Variants in GATAD2B observed in about 807,000 individuals in gnomAD.
GATAD2B encodes the protein transcriptional repressor p66-beta.
GATAD2B carries 8 observed loss-of-function variants against 64.3 expected under a neutral mutation model. The observed-to-expected ratio is 0.12, with a 90% CI of 0.07 to 0.22. The LOEUF is 0.22. Among genes scored for constraint, GATAD2B ranks in the 10% least tolerant of loss-of-function variants. GATAD2B has a pLI of 1.00. For missense variants in GATAD2B, 453 were observed against 752.0 expected, an observed-to-expected ratio of 0.60 and a Z score of 4.65; for synonymous variants, 281 against 271.3, an observed-to-expected ratio of 1.04 and a Z score of -0.35.
chr1:153,828,573 C>T (rs1674968211), intron 1 of GATAD2B, among the ~76,000 whole-genome samples: 1 of 151,972 alleles, frequency 6.6e-6, no homozygotes, highest in Non-Finnish European at 1.5e-5. Context: ...GGGCATTCAA[C>T]CCAGCAATTT....
chr1:153,897,442 T>C (rs1234361235), intron 1 of GATAD2B, among the ~76,000 whole-genome samples: 2 of 152,218 alleles, frequency 1.3e-5, no homozygotes, highest in African/African-American at 4.8e-5. Context: ...AATGATCTTA[T>C]GCAAGATTGG....
intron 1 of GATAD2B, among the ~76,000 whole-genome samples, chr1:153,907,880 T>C (rs1451420069): frequency 2.6e-5 from 4 of 151,612 alleles, no homozygotes; most frequent in African/African-American, 4.8e-5. Context: ...TCTCGGCTCA[T>C]TGCAACCTCC....
chr1:153,805,873 A>G lies in GATAD2B; in HGVS notation c.*4304T>C, dbSNP rs561970252. Reference sequence around the variant, plus strand: ...TTTTTACTCTACAAAGTCCTGGACCAGGAGGTCTTGGCTTTCACAGGAGCT... The same window carrying G: ...TTTTTACTCTACAAAGTCCTGGACCGGGAGGTCTTGGCTTTCACAGGAGCT... On this transcript the variant is annotated 3_prime_UTR_variant, in exon 11 of 11. Coordinates refer to ENST00000368655, the MANE Select transcript of GATAD2B (RefSeq NM_020699.4). 2 of 152,340 alleles carry G rather than the reference A, an allele frequency of 1.3e-5. No individual in the cohort carries two copies. Among genetic ancestry groups the G allele is most frequent in the African/African-American group, 4.8e-5 (2 of 41,562 alleles). 9.4% of individuals were successfully genotyped at this position (152,340 alleles called of 1,614,324 possible). A position where few individuals can be genotyped will look rare whatever the true frequency, so the allele number is the denominator to read the frequency against.
In GATAD2B at chr1:153,807,602, C is replaced by T. The variant is rs1280188063; in HGVS notation, c.*2575G>A. ...GGGGATAAAAACAGGGAAGATTCCA[C>T]CATCTCCCCTGTGACCTCAGCACCT... On this transcript the variant is annotated 3_prime_UTR_variant, in exon 11 of 11. Coordinates refer to ENST00000368655, the MANE Select transcript of GATAD2B (RefSeq NM_020699.4). 2 of 152,590 alleles carry T rather than the reference C, an allele frequency of 1.3e-5. No homozygotes were observed. Among genetic ancestry groups the T allele is most frequent in the Non-Finnish European group, 2.9e-5 (2 of 68,082 alleles). 9.5% of individuals were successfully genotyped at this position (152,590 alleles called of 1,614,324 possible). A position where few individuals can be genotyped will look rare whatever the true frequency, so the allele number is the denominator to read the frequency against.
At chr1:153,857,930 A>C (rs1676150052) in intron 1 of GATAD2B, among the ~76,000 whole-genome samples, 1 of 152,234 alleles carries the variant, frequency 6.6e-6, no homozygotes, top group African/African-American at 2.4e-5. Context: ...GAAATCATTC[A>C]GTTTTGAAGC....
At chr1:153,861,644 G>A (rs574493345) in intron 1 of GATAD2B, among the ~76,000 whole-genome samples, 21 of 149,430 alleles carry the variant, frequency 1.4e-4, no homozygotes, top group Admixed American at 1.0e-3. Flanking sequence ...TTAGCCGGGC[G>A]TGGTGGTGCA....
chr1:153,825,074 T>C (rs1674823535), intron 2 of GATAD2B, among the ~76,000 whole-genome samples: 1 of 151,768 alleles, frequency 6.6e-6, no homozygotes. Flanking sequence ...GGCAACAGAG[T>C]GAGACCTTGT....
intron 7 of GATAD2B, among the ~76,000 whole-genome samples, chr1:153,815,280 C>CAAAAAAAAAAAAAAAAAAA (rs1159204191): frequency 1.5e-5 from 1 of 66,624 alleles, no homozygotes; most frequent in Non-Finnish European, 2.7e-5. Flanking sequence ...CTCAAAAAAA[C>CAAAAAAAAAAAAAAAAAAA]AAAAAAAAAA....
intron 1 of GATAD2B, among the ~76,000 whole-genome samples, chr1:153,879,929 C>T (rs1676958442): frequency 6.6e-6 from 1 of 152,130 alleles, no homozygotes; most frequent in Admixed American, 6.6e-5. Context: ...CTAATTTTTC[C>T]TTCCTTCCAT....
intron 1 of GATAD2B, among the ~76,000 whole-genome samples, chr1:153,910,853 C>T (rs1678091126): frequency 6.6e-6 from 1 of 152,176 alleles, no homozygotes; most frequent in Non-Finnish European, 1.5e-5. Flanking sequence ...GTAAGCTAGG[C>T]TAAGCTATGA....
At chr1:153,919,440 G>A (rs1312230275) in intron 1 of GATAD2B, among the ~76,000 whole-genome samples, 1 of 152,152 alleles carries the variant, frequency 6.6e-6, no homozygotes, top group Non-Finnish European at 1.5e-5. Context: ...GGAACATGAG[G>A]AGGGGTCTGT....
At chr1:153,819,481 A>C (rs1436831206) in intron 3 of GATAD2B, 125 bp downstream of exon 3, 1 of 663,058 alleles carries the variant, frequency 1.5e-6, no homozygotes, top group African/African-American at 1.9e-5. Flanking sequence ...GTTACTATAA[A>C]GTTTTCATCA....
intron 1 of GATAD2B, among the ~76,000 whole-genome samples, chr1:153,869,939 A>C (rs959224688): frequency 6.6e-6 from 1 of 150,606 alleles, no homozygotes; most frequent in Non-Finnish European, 1.5e-5. Context: ...CAGCTGGAAC[A>C]ACATGGCAAA....
intron 2 of GATAD2B, among the ~76,000 whole-genome samples, chr1:153,824,144 G>A (rs868813480): frequency 1.9e-4 from 29 of 152,298 alleles, no homozygotes; most frequent in African/African-American, 6.7e-4. Context: ...TGGGTACAGC[G>A]GCCCATGCCT....
chr1:153,876,978 C>T (rs1305971435), intron 1 of GATAD2B, among the ~76,000 whole-genome samples: 1 of 152,172 alleles, frequency 6.6e-6, no homozygotes, highest in African/African-American at 2.4e-5. Flanking sequence ...GATCGTGCCA[C>T]TTCACTCCAG....
chr1:153,890,187 G>GA (rs1286344695), intron 1 of GATAD2B, among the ~76,000 whole-genome samples: 19 of 135,000 alleles, frequency 1.4e-4, no homozygotes, highest in South Asian at 2.4e-4. Context: ...AAAAAAAAAA[G>GA]AAAAAAAAAG....
chr1:153,858,682 G>A (rs1676170286), intron 1 of GATAD2B, among the ~76,000 whole-genome samples: 1 of 152,160 alleles, frequency 6.6e-6, no homozygotes, highest in African/African-American at 2.4e-5. Context: ...AGTGAGCCAT[G>A]ACTGTATCAC....
At chr1:153,916,545 G>A (rs542760346) in intron 1 of GATAD2B, among the ~76,000 whole-genome samples, 5 of 152,246 alleles carry the variant, frequency 3.3e-5, no homozygotes, top group South Asian at 4.1e-4. Flanking sequence ...GTATAGATAC[G>A]TCTAGCTCAC....
chr1:153,909,841 G>C (rs1571007407), intron 1 of GATAD2B, among the ~76,000 whole-genome samples: 1 of 151,510 alleles, frequency 6.6e-6, no homozygotes, highest in Non-Finnish European at 1.5e-5. Context: ...CCAGTTACTT[G>C]GGAGGCTGAG....
Sources: allele counts gnomAD v4.1 joint callset (sites outside exome capture counted in the v4.1 genomes callset), GRCh38; gene constraint gnomAD v4.1.1; transcripts MANE v1.5; gene names NCBI Gene and HGNC (gene_info 2026-07-23, HGNC 2026-07-21).